LHFPL3: variants seen among roughly 807,000 people sequenced by gnomAD.
The protein encoded by LHFPL3 is LHFPL tetraspan subfamily member 3, also known as LHFPL tetraspan subfamily member 3 protein.
LHFPL3 carries 5 observed loss-of-function variants against 19.3 expected under a neutral mutation model. The observed-to-expected ratio is 0.26, with a 90% CI of 0.14 to 0.54. The LOEUF is 0.54. Among genes scored for constraint, LHFPL3 ranks in the 20% least tolerant of loss-of-function variants. LHFPL3 has a pLI of 0.94. For missense variants in LHFPL3, 249 were observed against 307.4 expected (o/e 0.81, Z 1.42); for synonymous variants, 133 against 126.2 (o/e 1.05, Z -0.36).
intron 1 of LHFPL3, among the ~76,000 whole-genome samples, chr7:104,568,838 CAGTT>C (rs1479014703): frequency 6.6e-6 from 1 of 152,182 alleles, no homozygotes; most frequent in Non-Finnish European, 1.5e-5. Context: ...AAACAATGCT[CAGTT>C]AGTTCTTCAG....
At chr7:104,431,068 C>T (rs763430003) in intron 1 of LHFPL3, among the ~76,000 whole-genome samples, 7 of 152,154 alleles carry the variant, frequency 4.6e-5, no homozygotes, top group Non-Finnish European at 7.4e-5. Flanking sequence ...TGTAAAAAGA[C>T]TTTCCACAAC....
intron 2 of LHFPL3, among the ~76,000 whole-genome samples, chr7:104,848,492 A>C (rs1390544634): frequency 2.0e-5 from 3 of 152,126 alleles, no homozygotes; most frequent in Non-Finnish European, 4.4e-5. Flanking sequence ...GAGAGCCCCC[A>C]AAAAACAGCC....
At chr7:104,494,316 CCATT>C (rs1793415418) in intron 1 of LHFPL3, among the ~76,000 whole-genome samples, 1 of 152,166 alleles carries the variant, frequency 6.6e-6, no homozygotes, top group African/African-American at 2.4e-5. Flanking sequence ...CCTATATTTT[CCATT>C]CATTCATTCA....
At chr7:104,798,342 T>G (rs909556594) in intron 2 of LHFPL3, 10 of 152,134 alleles carry the variant, frequency 6.6e-5, no homozygotes, top group African/African-American at 2.2e-4. Flanking sequence ...GTTACCTGGA[T>G]CAAAAAAATC....
At chr7:104,893,386 T>G (rs1274670298) in intron 2 of LHFPL3, among the ~76,000 whole-genome samples, 1 of 151,550 alleles carries the variant, frequency 6.6e-6, no homozygotes, top group African/African-American at 2.4e-5. Flanking sequence ...TGGTAGTATA[T>G]ATCTGTAGTC....
At chr7:104,397,114 T>A (rs1248226413) in intron 1 of LHFPL3, among the ~76,000 whole-genome samples, 3 of 152,160 alleles carry the variant, frequency 2.0e-5, no homozygotes, top group Non-Finnish European at 2.9e-5. Context: ...TAAAATCAAA[T>A]ATAAAAATAT....
intron 2 of LHFPL3, among the ~76,000 whole-genome samples, chr7:104,749,732 C>A (rs988129887): frequency 4.6e-5 from 7 of 152,218 alleles, no homozygotes; most frequent in Non-Finnish European, 7.3e-5. Flanking sequence ...CTCAATATGA[C>A]CCTTTTCTAA....
At chr7:104,461,752 A>C (rs145376067) in intron 1 of LHFPL3, among the ~76,000 whole-genome samples, 1 of 152,226 alleles carries the variant, frequency 6.6e-6, no homozygotes, top group East Asian at 1.9e-4. Context: ...TTGGTTCCAT[A>C]TCAATTTTAA....
intron 1 of LHFPL3, among the ~76,000 whole-genome samples, chr7:104,635,913 T>A (rs1791721294): frequency 6.6e-6 from 1 of 152,190 alleles, no homozygotes; most frequent in African/African-American, 2.4e-5. Flanking sequence ...AGATTTGACC[T>A]TGTAGAAATT....
rs1056298906 is a variant in LHFPL3 at position 104,681,223 on chromosome 7, A to G, written c.446-55452A>G. ...TTTACTCTCTATCTCCCCTTGTAAA[A>G]TGTAAGGCACATGAGGACAGGGATT... On this transcript the variant is annotated intron_variant, in intron 1 of 2. Coordinates refer to ENST00000424859, the MANE Select transcript of LHFPL3 (RefSeq NM_199000.3). Among the ~76,000 whole-genome samples, 4 of 150,374 alleles carry G rather than the reference A, an allele frequency of 2.7e-5. No individual in the cohort carries two copies. In the South Asian group the frequency reaches 8.4e-4, roughly 32 times the overall value.
chr7:104,882,278 C>T (rs1020159731), intron 2 of LHFPL3, among the ~76,000 whole-genome samples: 4 of 152,094 alleles, frequency 2.6e-5, no homozygotes, highest in African/African-American at 4.8e-5. Flanking sequence ...GATGGAGTCT[C>T]ACTCTGTCAC....
chr7:104,476,755 C>T lies in LHFPL3; in HGVS notation c.445+147531C>T, dbSNP rs116683031. Among the ~76,000 whole-genome samples, 548 of 152,130 alleles carry T rather than the reference C, an allele frequency of 3.6e-3. 6 individuals are homozygous for T. The highest frequency in any genetic ancestry group is 0.013 in the African/African-American group (532 of 41,520). On this transcript the variant is annotated intron_variant, in intron 1 of 2. Coordinates refer to ENST00000424859, the MANE Select transcript of LHFPL3 (RefSeq NM_199000.3). The stretch of plus-strand genomic sequence containing the variant: ...GATTACAGGCATGAGCCACCACGCC[C>T]GGCCAGCTTCCTGCTTTTTTTTATT...
At position 104,771,943 on chromosome 7, in the gene LHFPL3, T is replaced by C. The variant is rs148899943; in HGVS notation, c.682+35032T>C. Among the ~76,000 whole-genome samples, 796 of 147,132 alleles carry C rather than the reference T, an allele frequency of 5.4e-3. 4 individuals are homozygous for C. The highest frequency in any genetic ancestry group is 0.019 in the African/African-American group (750 of 40,048). On this transcript the variant is annotated intron_variant, in intron 2 of 2. Transcript: ENST00000424859. ...TTCAAGCGATCCTCCTGCCTCAGCC[T>C]CCCAAGTAGCTGGACTATAGGTGTG...
intron 1 of LHFPL3, among the ~76,000 whole-genome samples, chr7:104,735,569 C>T (rs756326296): frequency 1.3e-5 from 2 of 152,194 alleles, no homozygotes; most frequent in Non-Finnish European, 2.9e-5. Context: ...ACTGGAAAAG[C>T]GCAGTATTAG....
chr7:104,525,519 G>C (rs1042036295), intron 1 of LHFPL3, among the ~76,000 whole-genome samples: 6 of 152,074 alleles, frequency 3.9e-5, no homozygotes, highest in African/African-American at 1.4e-4. Context: ...TAAAAGAAGA[G>C]CTCAAGGAAT....
rs1383521164 is a variant in LHFPL3, at chr7:104,584,071, A to G, written c.446-152604A>G. Among the ~76,000 whole-genome samples the G allele has an allele frequency of 8.5e-5, 13 of 152,254 alleles. No homozygotes were observed. In the South Asian group the frequency reaches 1.2e-3, roughly 15 times the overall value. On this transcript the variant is annotated intron_variant, in intron 1 of 2. Coordinates refer to ENST00000424859, the MANE Select transcript of LHFPL3 (RefSeq NM_199000.3). Reference sequence around the variant, plus strand: ...TTGGAACCAACCCAAATGTCCAACAATGATAGACTGGATTAAGAAAATGTG... The same window carrying G: ...TTGGAACCAACCCAAATGTCCAACAGTGATAGACTGGATTAAGAAAATGTG...
intron 1 of LHFPL3, among the ~76,000 whole-genome samples, chr7:104,514,033 A>G (rs1397530622): frequency 6.6e-6 from 1 of 152,186 alleles, no homozygotes; most frequent in Admixed American, 6.5e-5. Context: ...AGGATTTATT[A>G]ATAAATGAAA....
chr7:104,502,367 G>C (rs1161404745), intron 1 of LHFPL3, among the ~76,000 whole-genome samples: 1 of 151,328 alleles, frequency 6.6e-6, no homozygotes, highest in South Asian at 2.1e-4. Context: ...TTTAAGAACT[G>C]TGCTTCAGTT....
intron 1 of LHFPL3, among the ~76,000 whole-genome samples, chr7:104,581,134 A>C (rs1486133599): frequency 1.3e-5 from 2 of 151,584 alleles, no homozygotes; most frequent in Non-Finnish European, 2.9e-5. Context: ...CCATTTTTAC[A>C]CTCCCCTCAG....
Sources: gnomAD v4.1 joint callset for allele counts (sites outside exome capture counted in the v4.1 genomes callset) on GRCh38, gnomAD v4.1.1 for gene constraint, MANE v1.5 for transcripts, NCBI Gene and HGNC (gene_info 2026-07-23, HGNC 2026-07-21) for gene names.